Variants in PPEF2 observed in about 807,000 individuals in gnomAD.
PPEF2 encodes the protein protein phosphatase with EF-hand domain 2.
Under a neutral mutation model 84.7 loss-of-function variants are expected in PPEF2, and 84 were observed. The ratio of observed to expected loss-of-function variants is 0.99; its 90% CI spans 0.83 to 1.19. PPEF2 has a LOEUF of 1.19. Ranked by LOEUF, PPEF2 falls within the 50% of genes most tolerant of loss-of-function variation. The pLI is 0.00. For synonymous variants in PPEF2, 346 were observed against 345.2 expected (o/e 1.00, Z -0.03); for missense variants, 924 against 937.5 (o/e 0.99, Z 0.19).
chr4:75,879,339 G>A (rs1724507367), intron 10 of PPEF2, among the ~76,000 whole-genome samples: 1 of 152,192 alleles, frequency 6.6e-6, no homozygotes, highest in South Asian at 2.1e-4. Context: ...TAAGTGAGTA[G>A]CTGCTTCCTA....
chr4:75,869,445 G>A (rs946971111), intron 13 of PPEF2, among the ~76,000 whole-genome samples: 1 of 152,156 alleles, frequency 6.6e-6, no homozygotes, highest in Non-Finnish European at 1.5e-5. Context: ...AAGGAGTGAG[G>A]CCAGATACCT....
chr4:75,873,181 C>T lies in PPEF2; in HGVS notation c.1452G>A (p.Leu484=), dbSNP rs1245427196. Residue 484 remains leucine, a synonymous_variant, in exon 12 of 17, where the codon CTG becomes CTA. Transcript: ENST00000286719. The part of the protein sequence containing the change: ...QLLQKYNMQF[L]IRSHECKPEG... ...CAGGTTTGCATTCATGTGAACGGAT[C>T]AGGAATTGCATGTTGTATTTTTGTA... 4 of 1,613,988 alleles carry T rather than the reference C, an allele frequency of 2.5e-6. No individual in the cohort carries two copies. Among genetic ancestry groups the T allele is most frequent in the Non-Finnish European group, 3.4e-6 (4 of 1,180,020 alleles).
chr4:75,896,470 A>AAATTGTCTATGAATCAT, intron 1 of PPEF2, 87 bp from the exon 2 acceptor site: 1 of 789,032 alleles, frequency 1.3e-6, no homozygotes, highest in Non-Finnish European at 2.2e-6. Flanking sequence ...ATCATGTGAG[A>AAATTGTCTATGAATCAT]GTATCCTCTC....
intron 11 of PPEF2, among the ~76,000 whole-genome samples, chr4:75,875,420 G>A (rs1724384404): frequency 6.6e-6 from 1 of 152,042 alleles, no homozygotes; most frequent in Admixed American, 6.6e-5. Flanking sequence ...ACCAGCCTGG[G>A]CAACATGGTG....
At chr4:75,861,614 G>GTTTTTTTTTTTTTTTTTTT (rs71210216) in intron 16 of PPEF2, among the ~76,000 whole-genome samples, 33 of 86,150 alleles carry the variant, frequency 3.8e-4, no homozygotes, top group Admixed American at 7.5e-4. Context: ...TTATGCAACA[G>GTTTTTTTTTTTTTTTTTTT]TTTTTTTTTT....
intron 1 of PPEF2, among the ~76,000 whole-genome samples, chr4:75,899,413 C>T (rs748001746): frequency 3.3e-5 from 5 of 152,074 alleles, no homozygotes; most frequent in Non-Finnish European, 5.9e-5. Context: ...TGCCATATTT[C>T]TTTTTATACA....
intron 13 of PPEF2, among the ~76,000 whole-genome samples, chr4:75,870,455 A>G (rs998972257): frequency 6.6e-6 from 1 of 152,174 alleles, no homozygotes; most frequent in Admixed American, 6.5e-5. Context: ...CACAAGGGTA[A>G]ATGCTAAATA....
At chr4:75,889,201 G>A (rs1171932669) in intron 5 of PPEF2, 1 of 152,590 alleles carries the variant, frequency 6.6e-6, no homozygotes. Flanking sequence ...GACAGAGCGA[G>A]ACTCTGTCTC....
rs557170705 is a variant in PPEF2 at position 75,867,184 on chromosome 4, G to C, written c.1756+129C>G. ...ATGAGACATTAAGTTGAATAAAATG[G>C]AGGATATAGCCAAAGGGAACTTTGG... is the stretch of plus-strand genomic sequence containing the variant. On this transcript the variant is annotated intron_variant, in intron 14 of 16. Coordinates refer to ENST00000286719, the MANE Select transcript of PPEF2 (RefSeq NM_006239.3). 147 of 584,494 alleles carry C rather than the reference G, an allele frequency of 2.5e-4. 2 individuals carry two copies. In the South Asian group the frequency reaches 3.3e-3, roughly 13 times the overall value. The allele number at this position is 584,494 out of a possible 1,614,324, so 36.2% of individuals were successfully genotyped here.
chr4:75,891,331 C>T (rs573478291), intron 4 of PPEF2, among the ~76,000 whole-genome samples: 243 of 152,204 alleles, frequency 1.6e-3, no homozygotes, highest in African/African-American at 5.5e-3. Flanking sequence ...CTGAGGCTTG[C>T]GTTTTGCACT....
intron 8 of PPEF2, chr4:75,883,587 GAT>G: frequency 5.2e-6 from 1 of 190,946 alleles, no homozygotes; most frequent in Non-Finnish European, 1.1e-5. Context: ...GGGAGGCTGA[GAT>G]GGGCGGATCG....
intron 11 of PPEF2, among the ~76,000 whole-genome samples, chr4:75,875,249 A>G (rs141535522): frequency 2.1e-3 from 312 of 152,116 alleles, no homozygotes; most frequent in Admixed American, 6.7e-3. Flanking sequence ...TTGCCATTCT[A>G]ATGGGTCAGA....
chr4:75,880,545 T>C (rs1284731315), intron 10 of PPEF2, among the ~76,000 whole-genome samples: 1 of 152,224 alleles, frequency 6.6e-6, no homozygotes, highest in Admixed American at 6.5e-5. Context: ...TCTTCTATGT[T>C]TACATAATTA....
intron 2 of PPEF2, among the ~76,000 whole-genome samples, chr4:75,892,188 C>T (rs1427517006): frequency 6.6e-6 from 1 of 152,176 alleles, no homozygotes; most frequent in Non-Finnish European, 1.5e-5. Context: ...CCCTTCATTC[C>T]TGCCTGATGG....
In PPEF2 at chr4:75,883,252, T is replaced by C. The variant is rs372701133; in HGVS notation, c.747-50A>G. 2,540 of 1,530,854 alleles carry C rather than the reference T, an allele frequency of 1.7e-3. 4 individuals are homozygous for C. The highest frequency in any genetic ancestry group is 1.9e-3 in the Non-Finnish European group (2,051 of 1,107,636). 94.8% of individuals were successfully genotyped at this position (1,530,854 alleles called of 1,614,324 possible). ...ATTAGAGTAAACTGGGTGACAATAA[T>C]CAGGGCATAATCACATTTTTAGAAG... On this transcript the variant is annotated intron_variant, in intron 8 of 16. Coordinates refer to ENST00000286719, the MANE Select transcript of PPEF2 (RefSeq NM_006239.3).
chr4:75,897,214 A>G (rs13147538), intron 1 of PPEF2, among the ~76,000 whole-genome samples: 112,620 of 151,946 alleles, frequency 0.74, 43,047 homozygotes, highest in East Asian at 0.98. Flanking sequence ...TCTTATGTTT[A>G]CTCCCATCTT....
At chr4:75,862,991 G>A (rs994210081) in intron 16 of PPEF2, among the ~76,000 whole-genome samples, 1 of 152,194 alleles carries the variant, frequency 6.6e-6, no homozygotes. Context: ...AACTGATACT[G>A]CTGCAACATG....
In PPEF2 at chr4:75,890,046, C is replaced by A; in HGVS notation, c.328G>T (p.Val110Leu). ...KKCSDYESIE[V>L]PDSYTGPRLS... ...CGTGGCCCCGTGTAACTGTCGGGTA[C>A]CTCTATGGATTCATAGTCACTGCAT... The change falls in exon 5 of 17, where the codon GTA becomes TTA. Residue 110 changes from valine to leucine, a missense_variant. Val to Leu is a conservative substitution (Grantham distance 32). Transcript: ENST00000286719. 6.2e-7 allele frequency: 1 copy of A among 1,614,080 alleles called. No homozygotes were observed. The highest frequency in any genetic ancestry group is 8.5e-7 in the Non-Finnish European group (1 of 1,180,006).
In PPEF2 at chr4:75,871,723, A is replaced by C. The variant is rs144225853; in HGVS notation, c.1649+302T>G. 7.1e-3 allele frequency among the ~76,000 whole-genome samples: 1,082 copies of C among 152,236 alleles called. 11 individuals carry two copies. The highest frequency in any genetic ancestry group is 0.044 in the South Asian group (212 of 4,818). On this transcript the variant is annotated intron_variant, in intron 13 of 16. Transcript: ENST00000286719. ...TGGGCTCAAACTATCCTTCTGCCTT[A>C]GTCTGCCAGACTGCTGGGATTACAG...
Sources: allele counts gnomAD v4.1 joint callset (sites outside exome capture counted in the v4.1 genomes callset), GRCh38; gene constraint gnomAD v4.1.1; transcripts MANE v1.5; gene names NCBI Gene and HGNC (gene_info 2026-07-23, HGNC 2026-07-21).